DPYD: variants seen among roughly 807,000 people sequenced by gnomAD.
DPYD encodes dihydropyrimidine dehydrogenase [NADP(+)].
DPYD carries 109 observed loss-of-function variants against 116.2 expected under a neutral mutation model. The ratio of observed to expected loss-of-function variants is 0.94; its 90% CI spans 0.80 to 1.10. DPYD has a LOEUF of 1.10. Among genes scored for constraint, DPYD ranks in the 50% least tolerant of loss-of-function variants. DPYD has a pLI of 0.00. For synonymous variants in DPYD, 440 were observed against 432.0 expected (o/e 1.02, Z -0.23); for missense variants, 1,302 against 1,254.5 (o/e 1.04, Z -0.57).
intron 13 of DPYD, among the ~76,000 whole-genome samples, chr1:97,514,865 C>A (rs1436910667): frequency 6.6e-6 from 1 of 151,772 alleles, no homozygotes; most frequent in Non-Finnish European, 1.5e-5. Flanking sequence ...AGAGAATGTG[C>A]TTAATGGGGC....
At chr1:97,162,953 T>A (rs1331954073) in intron 20 of DPYD, among the ~76,000 whole-genome samples, 1 of 151,806 alleles carries the variant, frequency 6.6e-6, no homozygotes, top group Admixed American at 6.6e-5. Flanking sequence ...ACTGGATCTC[T>A]TCCTTACACC....
At chr1:97,518,590 A>G (rs1648404333) in intron 12 of DPYD, among the ~76,000 whole-genome samples, 1 of 152,116 alleles carries the variant, frequency 6.6e-6, no homozygotes, top group South Asian at 2.1e-4. Flanking sequence ...CTTTGGATGT[A>G]GATGCTTTGC....
intron 20 of DPYD, among the ~76,000 whole-genome samples, chr1:97,129,828 A>T (rs1653139763): frequency 6.6e-6 from 1 of 152,156 alleles, no homozygotes; most frequent in Admixed American, 6.5e-5. Context: ...GCACCCAGTG[A>T]CTGTAAACTG....
intron 14 of DPYD, among the ~76,000 whole-genome samples, chr1:97,418,708 G>T (rs761827066): frequency 1.3e-5 from 2 of 152,062 alleles, no homozygotes; most frequent in African/African-American, 4.8e-5. Context: ...TACAACAGTA[G>T]AACATAATGA....
intron 20 of DPYD, among the ~76,000 whole-genome samples, chr1:97,178,554 C>T (rs1225980647): frequency 6.6e-6 from 1 of 152,078 alleles, no homozygotes; most frequent in African/African-American, 2.4e-5. Context: ...GAGGAAACTG[C>T]CCCCATGATC....
intron 13 of DPYD, among the ~76,000 whole-genome samples, chr1:97,487,558 A>G (rs1200811899): frequency 6.6e-6 from 1 of 152,138 alleles, no homozygotes; most frequent in Non-Finnish European, 1.5e-5. Context: ...CTGTAGTCCC[A>G]GCTACTCGGG....
At chr1:97,842,302 G>C (rs1368306877) in intron 2 of DPYD, among the ~76,000 whole-genome samples, 2 of 151,758 alleles carry the variant, frequency 1.3e-5, no homozygotes, top group Non-Finnish European at 2.9e-5. Flanking sequence ...TTAAATATTG[G>C]CTACAATCAT....
intron 18 of DPYD, among the ~76,000 whole-genome samples, chr1:97,303,098 A>G (rs1287035275): frequency 1.3e-5 from 2 of 152,018 alleles, no homozygotes; most frequent in Non-Finnish European, 2.9e-5. Context: ...TAAACAAAAC[A>G]TAATCTTCAT....
chr1:97,335,969 G>A (rs767327777), intron 16 of DPYD, among the ~76,000 whole-genome samples: 1 of 151,886 alleles, frequency 6.6e-6, no homozygotes, highest in Non-Finnish European at 1.5e-5. Context: ...CTTGTCCTTC[G>A]TGTCTTTCTC....
chr1:97,828,080 A>G (rs1669327750), intron 3 of DPYD, 34 bp downstream of exon 3: 2 of 1,593,282 alleles, frequency 1.3e-6, no homozygotes, highest in East Asian at 2.2e-5. Flanking sequence ...TCTTTACCAC[A>G]TCTGTGACTG....
chr1:97,462,517 A>T (rs1677085726), intron 13 of DPYD, among the ~76,000 whole-genome samples: 1 of 152,118 alleles, frequency 6.6e-6, no homozygotes, highest in Non-Finnish European at 1.5e-5. Flanking sequence ...CCATGATGGG[A>T]AGGTGGGGCT....
intron 8 of DPYD, among the ~76,000 whole-genome samples, chr1:97,660,742 G>C (rs1486643985): frequency 6.6e-6 from 1 of 152,106 alleles, no homozygotes; most frequent in Non-Finnish European, 1.5e-5. Context: ...TCACTTGGCT[G>C]ACATGTTCCA....
chr1:97,527,007 A>G (rs753310399), intron 12 of DPYD, among the ~76,000 whole-genome samples: 9 of 152,140 alleles, frequency 5.9e-5, no homozygotes, highest in Non-Finnish European at 8.8e-5. Context: ...CCAAAGATTA[A>G]TAAGTGGTAG....
At chr1:97,152,809 T>C (rs1655132816) in intron 20 of DPYD, among the ~76,000 whole-genome samples, 1 of 151,972 alleles carries the variant, frequency 6.6e-6, no homozygotes, top group Non-Finnish European at 1.5e-5. Flanking sequence ...CAAGTTTATG[T>C]TTAGATGGTT....
At chr1:97,332,462 C>T (rs1045073199) in intron 16 of DPYD, among the ~76,000 whole-genome samples, 18 of 152,244 alleles carry the variant, frequency 1.2e-4, no homozygotes, top group African/African-American at 3.8e-4. Context: ...TTACTATAGG[C>T]AAATTATTGA....
intron 18 of DPYD, among the ~76,000 whole-genome samples, chr1:97,235,946 A>C: frequency 6.6e-6 from 1 of 152,316 alleles, no homozygotes; most frequent in African/African-American, 2.4e-5. Flanking sequence ...TTTAATATTT[A>C]ATTAGCCAGA....
chr1:97,167,963 A>G (rs185249135), intron 20 of DPYD, among the ~76,000 whole-genome samples: 6 of 152,300 alleles, frequency 3.9e-5, no homozygotes, highest in Admixed American at 1.3e-4. Flanking sequence ...TTTAATAGTC[A>G]TAAGTACATT....
rs115476913 is a variant in DPYD, at chr1:97,198,411, A to T, written c.2443-5163T>A. On this transcript the variant is annotated intron_variant, in intron 19 of 22. Coordinates refer to ENST00000370192, the MANE Select transcript of DPYD (RefSeq NM_000110.4). ...AAGTCATGTTTGAAGAAACAAGAAT[A>T]ATTTGCTGATTAAATACTAATAAGA... Among the ~76,000 whole-genome samples the T allele has an allele frequency of 9.2e-3, 1,407 of 152,312 alleles. 26 individuals are homozygous for T. The highest frequency in any genetic ancestry group is 0.032 in the African/African-American group (1,333 of 41,556).
At chr1:97,625,700 T>C (rs1656888172) in intron 8 of DPYD, among the ~76,000 whole-genome samples, 1 of 151,926 alleles carries the variant, frequency 6.6e-6, no homozygotes, top group Non-Finnish European at 1.5e-5. Flanking sequence ...TCATCTACAA[T>C]GCCAAGGAGA....
Sources: allele counts gnomAD v4.1 joint callset (sites outside exome capture counted in the v4.1 genomes callset), GRCh38; gene constraint gnomAD v4.1.1; transcripts MANE v1.5; gene names NCBI Gene and HGNC (gene_info 2026-07-23, HGNC 2026-07-21).